Variants in MAD1L1 observed in about 807,000 individuals in gnomAD.
MAD1L1 encodes the protein mitotic arrest deficient 1 like 1.
A neutral mutation model predicts 96.9 loss-of-function variants in MAD1L1; 95 were observed. The observed-to-expected ratio is 0.98, with a 90% confidence interval of 0.83 to 1.16. The LOEUF is 1.16. Among genes scored for constraint, MAD1L1 ranks in the 50% most tolerant of loss-of-function variants. MAD1L1 has a pLI of 0.00. For missense variants in MAD1L1, 1,007 were observed against 954.4 expected, an observed-to-expected ratio of 1.06 and a Z score of -0.73; for synonymous variants, 473 against 396.6, an observed-to-expected ratio of 1.19 and a Z score of -2.29.
At chr7:1,914,071 G>A (rs1788200430) in intron 17 of MAD1L1, among the ~76,000 whole-genome samples, 2 of 152,140 alleles carry the variant, frequency 1.3e-5, no homozygotes, top group South Asian at 2.1e-4. Context: ...CCCAGGCACC[G>A]CGTCCAGGTC....
chr7:2,144,217 C>A (rs967326440), intron 11 of MAD1L1, among the ~76,000 whole-genome samples: 29 of 152,344 alleles, frequency 1.9e-4, no homozygotes, highest in Admixed American at 1.8e-3. Flanking sequence ...GAGCTTCCAG[C>A]TGGGAGCGTC....
At chr7:1,869,842 C>T (rs1395863540) in intron 18 of MAD1L1, among the ~76,000 whole-genome samples, 2 of 152,154 alleles carry the variant, frequency 1.3e-5, no homozygotes, top group Non-Finnish European at 2.9e-5. Flanking sequence ...CAAGTGCCTC[C>T]ATGGGGCAGG....
At chr7:2,037,441 C>T (rs1783490073) in intron 12 of MAD1L1, among the ~76,000 whole-genome samples, 1 of 151,662 alleles carries the variant, frequency 6.6e-6, no homozygotes, top group East Asian at 2.0e-4. Flanking sequence ...TTCGGCGAGG[C>T]ACCATGTTCC....
At chr7:1,980,312 C>T in intron 15 of MAD1L1, 141 bp downstream of exon 15, 2 of 684,564 alleles carry the variant, frequency 2.9e-6, no homozygotes, top group Non-Finnish European at 4.9e-6. Flanking sequence ...CCGTGGGACA[C>T]ACCTGGGCGT....
At chr7:1,873,898 C>T (rs1785239718) in intron 18 of MAD1L1, among the ~76,000 whole-genome samples, 1 of 152,176 alleles carries the variant, frequency 6.6e-6, no homozygotes, top group Admixed American at 6.5e-5. Context: ...ATGCTGAGCC[C>T]ATCAAGTCGG....
At chr7:1,970,981 T>C (rs1380881398) in intron 15 of MAD1L1, among the ~76,000 whole-genome samples, 1 of 152,208 alleles carries the variant, frequency 6.6e-6, no homozygotes, top group Admixed American at 6.5e-5. Context: ...GTTGCGCTAA[T>C]ACAGTAGATA....
At chr7:2,092,646 T>A (rs1229719422) in intron 11 of MAD1L1, among the ~76,000 whole-genome samples, 1 of 152,214 alleles carries the variant, frequency 6.6e-6, no homozygotes, top group Non-Finnish European at 1.5e-5. Context: ...GTTGCCTGTT[T>A]TCCTATTATT....
intron 7 of MAD1L1, among the ~76,000 whole-genome samples, chr7:2,217,312 C>T (rs1584575536): frequency 2.6e-5 from 4 of 152,336 alleles, no homozygotes; most frequent in Admixed American, 2.6e-4. Context: ...CAGAGTCCAT[C>T]GCCCTGCCAG....
chr7:1,856,170 C>T (rs1275219370), intron 18 of MAD1L1, among the ~76,000 whole-genome samples: 4 of 152,370 alleles, frequency 2.6e-5, no homozygotes, highest in Admixed American at 6.5e-5. Flanking sequence ...AGGCCCCGCG[C>T]CCTCCTGCTT....
intron 18 of MAD1L1, among the ~76,000 whole-genome samples, chr7:1,831,507 G>C (rs551575749): frequency 6.6e-6 from 1 of 152,328 alleles, no homozygotes; most frequent in African/African-American, 2.4e-5. Context: ...TCAAGTGAAA[G>C]AAGACTCACA....
rs192882482 is a variant in MAD1L1, at chr7:1,976,723, G to A, written c.1505+3730C>T. Among the ~76,000 whole-genome samples, 626 of 152,316 alleles carry A rather than the reference G, an allele frequency of 4.1e-3. 5 individuals carry two copies. The highest frequency in any genetic ancestry group is 0.014 in the African/African-American group (595 of 41,560). ...AAAGCTGATTGGTCTGTTTTGACAC[G>A]GTGCTGACTGGTGCGTTTACAAACC... On this transcript the variant is annotated intron_variant, in intron 15 of 18. Coordinates refer to ENST00000265854, the MANE Select transcript of MAD1L1 (RefSeq NM_001013836.2).
intron 16 of MAD1L1, among the ~76,000 whole-genome samples, chr7:1,943,872 C>T (rs1420331855): frequency 1.3e-5 from 2 of 152,144 alleles, no homozygotes; most frequent in African/African-American, 4.8e-5. Context: ...TGTGGCCGTG[C>T]AGACAGTGGG....
chr7:1,857,162 T>C (rs575055141), intron 18 of MAD1L1, among the ~76,000 whole-genome samples: 1 of 152,042 alleles, frequency 6.6e-6, no homozygotes, highest in Non-Finnish European at 1.5e-5. Flanking sequence ...AGAGCCACGG[T>C]TTCTTAGGCA....
intron 11 of MAD1L1, among the ~76,000 whole-genome samples, chr7:2,085,309 C>A (rs1234284163): frequency 6.6e-6 from 1 of 152,228 alleles, no homozygotes; most frequent in African/African-American, 2.4e-5. Flanking sequence ...GTAACGGTGC[C>A]TGCTAACAAG....
At chr7:2,220,975 A>G (rs1421592264) in intron 5 of MAD1L1, 1 of 1,612,504 alleles carries the variant, frequency 6.2e-7, no homozygotes, top group African/African-American at 1.3e-5. Flanking sequence ...TTGGCAAGGA[A>G]GAGGCGCATA....
intron 18 of MAD1L1, among the ~76,000 whole-genome samples, chr7:1,887,861 ACG>A (rs1786205831): frequency 3.0e-5 from 4 of 132,246 alleles, no homozygotes; most frequent in African/African-American, 8.7e-5. Context: ...GTGTGTGTGC[ACG>A]TGTGTGTGCA....
chr7:2,116,779 G>C (rs1172618971), intron 11 of MAD1L1, among the ~76,000 whole-genome samples: 1 of 152,226 alleles, frequency 6.6e-6, no homozygotes, highest in Non-Finnish European at 1.5e-5. Flanking sequence ...GTTAGTGAGA[G>C]GGCCTTAGCC....
chr7:2,065,545 G>A (rs1251935083), intron 12 of MAD1L1, among the ~76,000 whole-genome samples: 5 of 152,200 alleles, frequency 3.3e-5, no homozygotes, highest in East Asian at 1.9e-4. Context: ...CCCCAGCTTC[G>A]GAGGAGGTGG....
At chr7:1,918,707 G>C (rs1305224589) in intron 17 of MAD1L1, among the ~76,000 whole-genome samples, 1 of 152,242 alleles carries the variant, frequency 6.6e-6, no homozygotes, top group Non-Finnish European at 1.5e-5. Flanking sequence ...ACAGCATGGA[G>C]AGAAGGGCCT....
Sources: gnomAD v4.1 joint callset for allele counts (sites outside exome capture counted in the v4.1 genomes callset) on GRCh38, gnomAD v4.1.1 for gene constraint, MANE v1.5 for transcripts, NCBI Gene and HGNC (gene_info 2026-07-23, HGNC 2026-07-21) for gene names.